Variants in PALM2AKAP2 observed in about 807,000 individuals in gnomAD.
The protein encoded by PALM2AKAP2 is PALM2 and AKAP2 fusion.
PALM2AKAP2 carries 37 observed loss-of-function variants against 71.5 expected under a neutral mutation model. The observed-to-expected ratio is 0.52, with a 90% CI of 0.40 to 0.68. PALM2AKAP2 has a LOEUF of 0.68. Among genes scored for constraint, PALM2AKAP2 ranks in the 30% least tolerant of loss-of-function variants. The pLI is 0.00. For synonymous variants in PALM2AKAP2, 468 were observed against 478.8 expected (o/e 0.98, Z 0.29); for missense variants, 1,224 against 1,191.8 (o/e 1.03, Z -0.40).
chr9:110,154,348 C>T (rs776120811), intron 2 of PALM2AKAP2, among the ~76,000 whole-genome samples: 14 of 152,012 alleles, frequency 9.2e-5, no homozygotes, highest in Non-Finnish European at 1.9e-4. Context: ...GGCTCCAGAG[C>T]TTACACGCTC....
chr9:110,037,192 A>T (rs1833427834), intron 7 of PALM2AKAP2, among the ~76,000 whole-genome samples: 1 of 151,450 alleles, frequency 6.6e-6, no homozygotes. Context: ...TTTTTCCAAC[A>T]AATATTTTTT....
chr9:109,840,316 T>C (rs1828621009), intron 1 of PALM2AKAP2, among the ~76,000 whole-genome samples: 1 of 152,158 alleles, frequency 6.6e-6, no homozygotes, highest in African/African-American at 2.4e-5. Context: ...TAGCCATATG[T>C]AGAAAGCTGA....
intron 1 of PALM2AKAP2, among the ~76,000 whole-genome samples, chr9:109,832,009 G>A (rs1828314367): frequency 6.6e-6 from 1 of 152,110 alleles, no homozygotes; most frequent in East Asian, 1.9e-4. Flanking sequence ...CTTTTGAGGG[G>A]GATACTGACA....
At chr9:109,656,980 T>C (rs1027482095) in intron 1 of PALM2AKAP2, among the ~76,000 whole-genome samples, 13 of 152,248 alleles carry the variant, frequency 8.5e-5, no homozygotes, top group Admixed American at 5.9e-4. Context: ...CCCAACTATA[T>C]TGAAGCTGTA....
chr9:109,712,739 C>G (rs928267179), intron 1 of PALM2AKAP2, among the ~76,000 whole-genome samples: 1 of 152,194 alleles, frequency 6.6e-6, no homozygotes. Flanking sequence ...AGATCCCATA[C>G]CCATCTCACA....
chr9:110,092,336 A>G (rs936943045), intron 1 of PALM2AKAP2, among the ~76,000 whole-genome samples: 1 of 152,188 alleles, frequency 6.6e-6, no homozygotes, highest in African/African-American at 2.4e-5. Context: ...CGCCTCAAAA[A>G]AAAAGAAGTA....
chr9:109,780,036 C>T (rs943323564), upstream of PALM2AKAP2, among the ~76,000 whole-genome samples: 46 of 151,520 alleles, frequency 3.0e-4, no homozygotes, highest in East Asian at 4.7e-3. Flanking sequence ...CACTGGCTCG[C>T]GCGCCCTCCG....
At chr9:109,665,011 C>T (rs781161045) in intron 1 of PALM2AKAP2, among the ~76,000 whole-genome samples, 30 of 152,256 alleles carry the variant, frequency 2.0e-4, no homozygotes, top group African/African-American at 4.8e-4. Flanking sequence ...ACAAAGTTCT[C>T]GTGCCAAGGT....
chr9:110,065,492 G>A (rs745619967), intron 1 of PALM2AKAP2, among the ~76,000 whole-genome samples: 2 of 152,208 alleles, frequency 1.3e-5, no homozygotes, highest in Non-Finnish European at 2.9e-5. Context: ...GTCCCAGAGT[G>A]TGGGGTCTTA....
chr9:109,825,189 A>G (rs1266318199), intron 1 of PALM2AKAP2, among the ~76,000 whole-genome samples: 1 of 152,192 alleles, frequency 6.6e-6, no homozygotes, highest in African/African-American at 2.4e-5. Context: ...TCCCCTCCTT[A>G]CACCTTATAC....
upstream of PALM2AKAP2, among the ~76,000 whole-genome samples, chr9:109,779,691 C>T (rs1334059713): frequency 6.6e-6 from 1 of 152,216 alleles, no homozygotes; most frequent in East Asian, 1.9e-4. Flanking sequence ...TGGAGATATA[C>T]CCTACCCTCG....
chr9:110,064,558 G>T (rs888620851), intron 1 of PALM2AKAP2, among the ~76,000 whole-genome samples: 1 of 152,190 alleles, frequency 6.6e-6, no homozygotes, highest in Non-Finnish European at 1.5e-5. Flanking sequence ...GTAGTTAGTG[G>T]TATGTCCTCA....
intron 1 of PALM2AKAP2, among the ~76,000 whole-genome samples, chr9:109,812,064 G>T (rs1423409310): frequency 6.6e-6 from 1 of 152,206 alleles, no homozygotes; most frequent in Non-Finnish European, 1.5e-5. Context: ...CACAGTCTCG[G>T]TCACAATAAT....
At chr9:109,982,514 A>T (rs1431329760) in intron 6 of PALM2AKAP2, among the ~76,000 whole-genome samples, 1 of 152,222 alleles carries the variant, frequency 6.6e-6, no homozygotes, top group African/African-American at 2.4e-5. Context: ...GAGGTGATGG[A>T]TACCCCATCT....
intron 6 of PALM2AKAP2, among the ~76,000 whole-genome samples, chr9:109,974,051 A>C (rs1380232948): frequency 6.6e-6 from 1 of 152,236 alleles, no homozygotes; most frequent in African/African-American, 2.4e-5. Context: ...ACACATGTAA[A>C]GTATGACTGG....
chr9:109,729,097 A>AT (rs1828516020), intron 1 of PALM2AKAP2, among the ~76,000 whole-genome samples: 2 of 152,244 alleles, frequency 1.3e-5, no homozygotes, highest in South Asian at 2.1e-4. Context: ...CATTTCCAAG[A>AT]TTTTTTTACT....
In PALM2AKAP2 at chr9:110,068,518, T is replaced by A. The variant is rs546466742; in HGVS notation, c.156+19663T>A. On this transcript the variant is annotated intron_variant, in intron 1 of 3. Transcript: ENST00000374525. ...ACTGAGGGCAAAATTGGAGCTTTTT[T>A]AAAAAAAAAAAAAAATTTAATTTTT... is the stretch of plus-strand genomic sequence containing the variant. 1.9e-3 allele frequency among the ~76,000 whole-genome samples: 266 copies of A among 139,860 alleles called. 12 individuals are homozygous for A. The highest frequency in any genetic ancestry group is 2.9e-3 in the African/African-American group (107 of 36,640). 91.8% of individuals were successfully genotyped at this position (139,860 alleles called of 152,430 possible).
chr9:109,747,234 C>T (rs546246115), intron 1 of PALM2AKAP2, among the ~76,000 whole-genome samples: 5 of 152,300 alleles, frequency 3.3e-5, no homozygotes, highest in African/African-American at 1.2e-4. Context: ...TTTCTCTTTG[C>T]CCTTGTCTTT....
At chr9:110,123,942 C>CTT (rs1203134354) in intron 1 of PALM2AKAP2, among the ~76,000 whole-genome samples, 111 of 152,302 alleles carry the variant, frequency 7.3e-4, no homozygotes, top group Non-Finnish European at 1.9e-4. Flanking sequence ...CTTGAAGTGC[C>CTT]TTTGGCTACA....
Sources: gnomAD v4.1 joint callset for allele counts (sites outside exome capture counted in the v4.1 genomes callset) on GRCh38, gnomAD v4.1.1 for gene constraint, MANE v1.5 for transcripts, NCBI Gene and HGNC (gene_info 2026-07-23, HGNC 2026-07-21) for gene names.